ITPRID1: variants seen among roughly 807,000 people sequenced by gnomAD.
The protein encoded by ITPRID1 is ITPR interacting domain containing 1, also known as protein ITPRID1.
A neutral mutation model predicts 95.4 loss-of-function variants in ITPRID1; 96 were observed. That is an observed-to-expected ratio of 1.01 (90% CI 0.85 to 1.19). ITPRID1 has a LOEUF of 1.19. ITPRID1 is among the 50% of genes most tolerant of loss of function. The pLI, the probability that ITPRID1 is intolerant of heterozygous loss-of-function variation, is 0.00. For synonymous variants in ITPRID1, 510 were observed against 453.6 expected (o/e 1.12, Z -1.58); for missense variants, 1,339 against 1,252.9 (o/e 1.07, Z -1.04).
intron 10 of ITPRID1, among the ~76,000 whole-genome samples, chr7:31,636,488 C>A (rs1415931912): frequency 6.6e-6 from 1 of 152,142 alleles, no homozygotes; most frequent in Non-Finnish European, 1.5e-5. Context: ...ACAAGTCTTG[C>A]ATCAAAACAT....
At chr7:31,586,781 T>G (rs1008298290) in intron 10 of ITPRID1, among the ~76,000 whole-genome samples, 2 of 151,926 alleles carry the variant, frequency 1.3e-5, no homozygotes, top group East Asian at 3.9e-4. Flanking sequence ...TTTCTCCCAT[T>G]TTGTAGGTTG....
In ITPRID1 at chr7:31,652,607, A is replaced by T; in HGVS notation, c.2913A>T (p.Ser971=). 1 of 1,613,436 alleles carries T rather than the reference A, an allele frequency of 6.2e-7. No individual in the cohort carries two copies. The highest frequency in any genetic ancestry group is 1.3e-5 in the African/African-American group (1 of 75,024). The change falls in exon 15 of 15, where the codon TCA becomes TCT. Residue 971 remains serine (S), a synonymous_variant. Transcript: ENST00000615280. ...TAGAAGAAAGCAATGGGCAGACTTC[A>T]TGTTCTAAAATCCACCCAGGCATGG... ...NWIEESNGQT[S]CSKIHPGMAP...
intron 10 of ITPRID1, among the ~76,000 whole-genome samples, chr7:31,620,315 T>TGCCTGAC (rs1554294187): frequency 9.9e-5 from 15 of 151,914 alleles, no homozygotes; most frequent in Non-Finnish European, 1.3e-4. Context: ...CTCAAGTGGG[T>TGCCTGAC]CCCTGACCCC....
chr7:31,643,161 A>G lies in ITPRID1; in HGVS notation c.1791A>G (p.Gln597=). ...TGCAAAGCCACCACAATGAGTCTCA[A>G]AGGTCACCTGGAAATGATCATACTC... is the stretch of plus-strand genomic sequence containing the variant. The part of the protein sequence containing the change: ...GKVQSHHNES[Q]RSPGNDHTQD... Residue 597 remains glutamine, a synonymous_variant, in exon 12 of 15, where the codon CAA becomes CAG. Coordinates refer to ENST00000615280, the MANE Select transcript of ITPRID1 (RefSeq NM_001257967.3). The G allele has an allele frequency of 1.2e-6, 2 of 1,613,958 alleles. No homozygotes were observed. The highest frequency in any genetic ancestry group is 2.7e-5 in the African/African-American group (2 of 75,028).
At chr7:31,539,890 G>T (rs1783877087) in intron 1 of ITPRID1, among the ~76,000 whole-genome samples, 1 of 152,040 alleles carries the variant, frequency 6.6e-6, no homozygotes, top group African/African-American at 2.4e-5. Context: ...ATCTCGGGGT[G>T]GCATGTATCT....
Position 31,577,983 on chromosome 7 carries a change from G to A in ITPRID1, c.719G>A (p.Arg240Lys), listed in dbSNP as rs373956174. Residue 240 changes from arginine (R) to lysine (K), a missense_variant, in exon 9 of 15, where the codon AGA (arginine) becomes AAA (lysine). Arg to Lys is a conservative substitution (Grantham distance 26, BLOSUM62 2). Coordinates refer to ENST00000615280, the MANE Select transcript of ITPRID1 (RefSeq NM_001257967.3). ...AAAGCTGGAGGAGAGAGTGTGCAAAGAACCTCAGTGAGTGCCGCCAAAGAG... is the reference window on the plus strand; with the variant it reads ...AAAGCTGGAGGAGAGAGTGTGCAAAAAACCTCAGTGAGTGCCGCCAAAGAG... ...EEKAGGESVQ[R>K]TSVSAAKEHR... 21 of 1,613,684 alleles carry A rather than the reference G, an allele frequency of 1.3e-5. No individual in the cohort carries two copies. In the South Asian group the frequency reaches 2.1e-4, roughly 16 times the overall value.
intron 10 of ITPRID1, among the ~76,000 whole-genome samples, chr7:31,612,179 T>TA (rs575974962): frequency 1.2e-3 from 185 of 152,182 alleles, no homozygotes; most frequent in African/African-American, 4.3e-3. Context: ...TTTGCAACTC[T>TA]AAACTCTTAT....
chr7:31,569,088 A>G (rs1351968949), intron 5 of ITPRID1, among the ~76,000 whole-genome samples: 1 of 152,194 alleles, frequency 6.6e-6, no homozygotes, highest in Non-Finnish European at 1.5e-5. Context: ...GCTGCAATCA[A>G]TAATAAAGGT....
At chr7:31,534,619 C>A (rs989344924) in intron 1 of ITPRID1, among the ~76,000 whole-genome samples, 4 of 151,958 alleles carry the variant, frequency 2.6e-5, no homozygotes, top group Admixed American at 6.6e-5. Context: ...GTTTTTCTGT[C>A]CTTTTACTTT....
chr7:31,553,332 T>A lies in ITPRID1; in HGVS notation c.163+145T>A, dbSNP rs180749226. The A allele has an allele frequency of 6.3e-4, 478 of 755,428 alleles. 1 individual carries two copies. Among genetic ancestry groups the A allele is most frequent in the Non-Finnish European group, 8.4e-4 (404 of 479,444 alleles). 46.8% of individuals were successfully genotyped at this position (755,428 alleles called of 1,614,324 possible). ...TGTTCCTGGCATGATGCCGGAAACA[T>A]TTATGAAATGGGCACTTCTGACTTC... On this transcript the variant is annotated intron_variant, in intron 3 of 14. Coordinates refer to ENST00000615280, the MANE Select transcript of ITPRID1 (RefSeq NM_001257967.3).
chr7:31,592,720 C>T (rs1387475087), intron 10 of ITPRID1, among the ~76,000 whole-genome samples: 1 of 152,148 alleles, frequency 6.6e-6, no homozygotes, highest in Admixed American at 6.5e-5. Flanking sequence ...TCCCCATTTG[C>T]CCATTCACCG....
At chr7:31,519,630 A>C (rs1467692673) in intron 1 of ITPRID1, among the ~76,000 whole-genome samples, 45 of 103,452 alleles carry the variant, frequency 4.3e-4, no homozygotes, top group Middle Eastern at 5.6e-3. Flanking sequence ...CTATATATAT[A>C]TATATATATA....
intron 1 of ITPRID1, among the ~76,000 whole-genome samples, chr7:31,533,282 A>G (rs1455128791): frequency 6.6e-6 from 1 of 152,102 alleles, no homozygotes; most frequent in Non-Finnish European, 1.5e-5. Flanking sequence ...CTCTTTGTCA[A>G]ATGTATTGTC....
intron 10 of ITPRID1, among the ~76,000 whole-genome samples, chr7:31,596,167 G>T (rs777645450): frequency 6.6e-6 from 1 of 150,894 alleles, no homozygotes. Context: ...TAACATAATA[G>T]AAAAGATAAA....
intron 10 of ITPRID1, among the ~76,000 whole-genome samples, chr7:31,599,643 TTC>T (rs1786282477): frequency 2.1e-5 from 1 of 48,754 alleles, no homozygotes; most frequent in African/African-American, 6.4e-5. Flanking sequence ...CTTTCTTTCT[TTC>T]TTTTTCTTTC....
rs186127818 is a variant in ITPRID1, at chr7:31,566,391, A to G, written c.257-3367A>G. Among the ~76,000 whole-genome samples, 38 of 152,336 alleles carry G rather than the reference A, an allele frequency of 2.5e-4. No individual in the cohort carries two copies. In the East Asian group the frequency reaches 4.2e-3, roughly 17 times the overall value. On this transcript the variant is annotated intron_variant, in intron 5 of 14. Transcript: ENST00000615280. Reference sequence around the variant, plus strand: ...GAGCAATAGCAGGCAAACAAAAAAGACCAAAGCAGTGGCAAGAATGTCAGT... The same window carrying G: ...GAGCAATAGCAGGCAAACAAAAAAGGCCAAAGCAGTGGCAAGAATGTCAGT...
intron 10 of ITPRID1, among the ~76,000 whole-genome samples, chr7:31,632,361 T>C (rs1176455434): frequency 6.6e-6 from 1 of 152,062 alleles, no homozygotes; most frequent in African/African-American, 2.4e-5. Context: ...AACAGGAGAA[T>C]CGCTTGAACC....
intron 7 of ITPRID1, among the ~76,000 whole-genome samples, 186 bp downstream of exon 7, chr7:31,572,374 T>C (rs962708265): frequency 6.6e-6 from 1 of 152,066 alleles, no homozygotes; most frequent in African/African-American, 2.4e-5. Flanking sequence ...ACAGACTAAA[T>C]ATCTGTCAAT....
At chr7:31,545,662 A>G (rs1222315052) in intron 1 of ITPRID1, among the ~76,000 whole-genome samples, 1 of 152,118 alleles carries the variant, frequency 6.6e-6, no homozygotes, top group Non-Finnish European at 1.5e-5. Flanking sequence ...GCTTGGGCAC[A>G]ACTGCCTTGT....
Sources: allele counts gnomAD v4.1 joint callset (sites outside exome capture counted in the v4.1 genomes callset), GRCh38; gene constraint gnomAD v4.1.1; transcripts MANE v1.5; gene names NCBI Gene and HGNC (gene_info 2026-07-23, HGNC 2026-07-21).